Variants in CDH12 observed in about 807,000 individuals in gnomAD.
CDH12 encodes the protein cadherin 12, also known as cadherin-12.
In CDH12, 41 loss-of-function variants were observed where a neutral mutation model predicts 74.1. The observed-to-expected ratio is 0.55, with a 90% CI of 0.43 to 0.72. The LOEUF is 0.72. Ranked by LOEUF, CDH12 falls within the 30% of genes least tolerant of loss-of-function variation. CDH12 has a pLI of 0.00. For missense variants in CDH12, 945 were observed against 977.2 expected (o/e 0.97, Z 0.44); for synonymous variants, 399 against 355.0 (o/e 1.12, Z -1.39).
intron 3 of CDH12, among the ~76,000 whole-genome samples, chr5:22,238,568 G>A (rs545968543): frequency 1.8e-4 from 28 of 152,260 alleles, no homozygotes; most frequent in African/African-American, 6.7e-4. Flanking sequence ...GCAGATCATG[G>A]AAAGAAAAGA....
At chr5:22,202,147 T>TTCCTTCCTTCCTTCC (rs1750957180) in intron 4 of CDH12, among the ~76,000 whole-genome samples, 1 of 41,060 alleles carries the variant, frequency 2.4e-5, no homozygotes, top group African/African-American at 1.0e-4. Context: ...CCCTCCCTAC[T>TTCCTTCCTTCCTTCC]TTCCTTCCTT....
intron 1 of CDH12, among the ~76,000 whole-genome samples, chr5:22,696,232 G>A (rs936482548): frequency 1.3e-4 from 19 of 151,908 alleles, no homozygotes; most frequent in African/African-American, 4.6e-4. Flanking sequence ...TTAGCCGGGC[G>A]TGGTGGCGGG....
intron 1 of CDH12, among the ~76,000 whole-genome samples, chr5:22,547,932 G>T (rs1023941603): frequency 1.3e-5 from 2 of 152,104 alleles, no homozygotes; most frequent in African/African-American, 4.8e-5. Context: ...ATATTACATG[G>T]GGTAAATTTT....
At chr5:22,007,450 ACT>A (rs1491381293) in intron 5 of CDH12, among the ~76,000 whole-genome samples, 1 of 137,714 alleles carries the variant, frequency 7.3e-6, no homozygotes, top group Non-Finnish European at 1.5e-5. Context: ...AAGATATACA[ACT>A]TTTTTTTAGT....
In CDH12 at chr5:22,509,893, G is replaced by A. The variant is rs563832692; in HGVS notation, c.-522-4529C>T. On this transcript the variant is annotated intron_variant, in intron 1 of 14. Transcript: ENST00000382254. ...AATATGGTGGATGCAACCCAGAGTA[G>A]TAATATAAAGCATGGTATAGCACTG... Among the ~76,000 whole-genome samples, 275 of 152,146 alleles carry A rather than the reference G, an allele frequency of 1.8e-3. 2 individuals are homozygous for A. The highest frequency in any genetic ancestry group is 6.4e-3 in the African/African-American group (265 of 41,522).
chr5:22,596,004 AG>A (rs1736586460), intron 1 of CDH12, among the ~76,000 whole-genome samples: 2 of 151,588 alleles, frequency 1.3e-5, no homozygotes, highest in South Asian at 4.1e-4. Flanking sequence ...GCTACTCAGG[AG>A]GCTGAGGTAG....
intron 4 of CDH12, among the ~76,000 whole-genome samples, chr5:22,114,588 G>A (rs1744986506): frequency 6.6e-6 from 1 of 152,130 alleles, no homozygotes; most frequent in Non-Finnish European, 1.5e-5. Flanking sequence ...CTGTTATCAT[G>A]TAAACTGCTG....
At chr5:22,607,592 C>T (rs1432740241) in intron 1 of CDH12, among the ~76,000 whole-genome samples, 1 of 152,220 alleles carries the variant, frequency 6.6e-6, no homozygotes, top group African/African-American at 2.4e-5. Context: ...CCCATGGGTC[C>T]CTCCCACAAC....
intron 8 of CDH12, among the ~76,000 whole-genome samples, chr5:21,838,951 C>T (rs927608412): frequency 6.6e-6 from 1 of 152,180 alleles, no homozygotes; most frequent in Non-Finnish European, 1.5e-5. Flanking sequence ...CTCACTATCA[C>T]CCATGTGAAT....
chr5:22,570,056 T>TTTA (rs963720867), intron 1 of CDH12, among the ~76,000 whole-genome samples: 2 of 151,790 alleles, frequency 1.3e-5, no homozygotes, highest in African/African-American at 4.8e-5. Flanking sequence ...TATTTATTTA[T>TTTA]TTATTTATTT....
chr5:22,113,192 T>C (rs183917433), intron 4 of CDH12, among the ~76,000 whole-genome samples: 29 of 152,306 alleles, frequency 1.9e-4, no homozygotes, highest in African/African-American at 6.7e-4. Flanking sequence ...GAAAATATTT[T>C]ACCCCAAAAC....
chr5:22,620,680 A>C (rs143086275), intron 1 of CDH12, among the ~76,000 whole-genome samples: 244 of 152,304 alleles, frequency 1.6e-3, no homozygotes, highest in Middle Eastern at 6.8e-3. Flanking sequence ...AAATGATCAA[A>C]TGCTAGGCTG....
At chr5:21,913,305 C>T (rs545852039) in intron 6 of CDH12, among the ~76,000 whole-genome samples, 1 of 152,270 alleles carries the variant, frequency 6.6e-6, no homozygotes, top group African/African-American at 2.4e-5. Flanking sequence ...TGAGTCCCCA[C>T]ATATTTAAGC....
At chr5:22,234,303 G>A (rs937788667) in intron 3 of CDH12, among the ~76,000 whole-genome samples, 24 of 152,152 alleles carry the variant, frequency 1.6e-4, no homozygotes, top group Admixed American at 1.4e-3. Context: ...GAATTCCCAC[G>A]TGTTGTGGGA....
chr5:22,152,129 A>G (rs979180568), intron 4 of CDH12: 10 of 152,196 alleles, frequency 6.6e-5, no homozygotes, highest in African/African-American at 2.2e-4. Context: ...AGGAGACTGG[A>G]TCCGCAAAGT....
intron 3 of CDH12, among the ~76,000 whole-genome samples, chr5:22,292,854 G>C (rs989023162): frequency 6.6e-6 from 1 of 152,102 alleles, no homozygotes; most frequent in African/African-American, 2.4e-5. Flanking sequence ...CTCAATGTTG[G>C]AAACAGCGAG....
At chr5:22,180,170 C>T (rs1408194800) in intron 4 of CDH12, among the ~76,000 whole-genome samples, 2 of 152,170 alleles carry the variant, frequency 1.3e-5, no homozygotes, top group Non-Finnish European at 2.9e-5. Context: ...CAGGAAATAA[C>T]CTAGATCATA....
At chr5:22,534,907 A>G (rs10941960) in intron 1 of CDH12, among the ~76,000 whole-genome samples, 23,361 of 148,718 alleles carry the variant, frequency 0.16, 2,416 homozygotes, top group East Asian at 0.36. Flanking sequence ...ATATAATATT[A>G]TTATATTTAA....
intron 4 of CDH12, among the ~76,000 whole-genome samples, chr5:22,099,089 T>A (rs1743981362): frequency 6.6e-6 from 1 of 152,110 alleles, no homozygotes; most frequent in Non-Finnish European, 1.5e-5. Flanking sequence ...ATGCCCCAAG[T>A]CAGAAAACTA....
Sources: allele counts gnomAD v4.1 joint callset (sites outside exome capture counted in the v4.1 genomes callset), GRCh38; gene constraint gnomAD v4.1.1; transcripts MANE v1.5; gene names NCBI Gene and HGNC (gene_info 2026-07-23, HGNC 2026-07-21).